The following DTNA variants were observed in gnomAD, a reference collection of about 807,000 sequenced individuals.
The protein encoded by DTNA is dystrobrevin alpha, also known as dystrophin-related protein 3.
DTNA carries 43 observed loss-of-function variants against 100.7 expected under a neutral mutation model. The observed-to-expected ratio is 0.43, with a 90% CI of 0.33 to 0.55. DTNA has a LOEUF of 0.55. Ranked by LOEUF, DTNA falls within the 20% of genes least tolerant of loss-of-function variation. The pLI, the probability that DTNA is intolerant of heterozygous loss-of-function variation, is 0.04. For missense variants in DTNA, 798 were observed against 953.9 expected, an observed-to-expected ratio of 0.84 and a Z score of 2.15; for synonymous variants, 349 against 347.9, an observed-to-expected ratio of 1.00 and a Z score of -0.04.
At chr18:34,817,166 G>A (rs2095614637) in intron 7 of DTNA, among the ~76,000 whole-genome samples, 1 of 152,190 alleles carries the variant, frequency 6.6e-6, no homozygotes, top group South Asian at 2.1e-4. Context: ...CTAGATTGAA[G>A]TCCCACTCTA....
intron 9 of DTNA, among the ~76,000 whole-genome samples, chr18:34,824,198 A>G (rs1426562193): frequency 6.6e-6 from 1 of 152,232 alleles, no homozygotes; most frequent in African/African-American, 2.4e-5. Flanking sequence ...ATTGCTGGCC[A>G]GGCACAGTGG....
chr18:34,553,205 G>A (rs2045641224), intron 1 of DTNA, among the ~76,000 whole-genome samples: 5 of 151,846 alleles, frequency 3.3e-5, no homozygotes, highest in Non-Finnish European at 7.4e-5. Context: ...CATGTCTTTT[G>A]CCCACTTTTT....
intron 2 of DTNA, among the ~76,000 whole-genome samples, chr18:34,758,576 G>A (rs571164820): frequency 6.6e-6 from 1 of 152,274 alleles, no homozygotes; most frequent in East Asian, 1.9e-4. Flanking sequence ...TTAAAAGTTA[G>A]GCTTCTACCC....
chr18:34,796,839 C>T (rs1433092864), intron 4 of DTNA, among the ~76,000 whole-genome samples: 1 of 152,136 alleles, frequency 6.6e-6, no homozygotes, highest in Non-Finnish European at 1.5e-5. Context: ...AAGTGGTAAC[C>T]TGAGATGAGG....
rs749851414 is a variant in DTNA, at chr18:34,794,125, C to T, written c.237C>T (p.Ser79=). The T allele has an allele frequency of 8.1e-6, 13 of 1,614,138 alleles. No homozygotes were observed. In the South Asian group the frequency reaches 1.1e-4, roughly 14 times the overall value. The part of the protein sequence containing the change: ...NLDPNTELNV[S]RLEAVLSTIF... ...ACCCAAACACTGAACTCAACGTGTC[C>T]CGCTTAGAGGCTGTGCTCTCCACTA... Residue 79 remains serine (S), a synonymous_variant, in exon 4 of 23, where the codon TCC becomes TCT. Coordinates refer to ENST00000444659, the MANE Select transcript of DTNA (RefSeq NM_001386795.1).
intron 1 of DTNA, among the ~76,000 whole-genome samples, chr18:34,661,254 G>T (rs1336773502): frequency 6.6e-6 from 1 of 152,142 alleles, no homozygotes; most frequent in African/African-American, 2.4e-5. Context: ...TTAAAACAGG[G>T]ATCAAATTAG....
chr18:34,815,881 T>C (rs1340324204), intron 6 of DTNA, 28 bp from the exon 7 acceptor site: 2 of 1,595,102 alleles, frequency 1.3e-6, no homozygotes. Context: ...TTCTCTGTCC[T>C]AAATTTATGG....
intron 3 of DTNA, among the ~76,000 whole-genome samples, chr18:34,789,558 A>C (rs991711368): frequency 6.6e-6 from 1 of 152,166 alleles, no homozygotes; most frequent in Non-Finnish European, 1.5e-5. Context: ...TGTGTGAGTC[A>C]TGTCTGTATT....
intron 1 of DTNA, among the ~76,000 whole-genome samples, chr18:34,629,951 T>TTCTA (rs913409110): frequency 1.8e-4 from 28 of 152,310 alleles, no homozygotes; most frequent in Admixed American, 1.8e-3. Context: ...AAGCTGCTTA[T>TTCTA]TCTATCTCAT....
intron 3 of DTNA, among the ~76,000 whole-genome samples, chr18:34,773,018 C>T (rs575578585): frequency 1.3e-5 from 2 of 152,358 alleles, no homozygotes; most frequent in South Asian, 2.1e-4. Context: ...CCTCATGGCC[C>T]CTGTGGGCTG....
chr18:34,722,928 C>T (rs1212419942), intron 1 of DTNA, among the ~76,000 whole-genome samples: 1 of 152,126 alleles, frequency 6.6e-6, no homozygotes, highest in Non-Finnish European at 1.5e-5. Flanking sequence ...TTTATCCATT[C>T]ATCTTTGATT....
At position 34,768,882 on chromosome 18, in the gene DTNA, GA is replaced by G. The variant is rs1212518918; in HGVS notation, c.148+2844del. 8.5e-5 allele frequency among the ~76,000 whole-genome samples: 13 copies of G among 152,264 alleles called. No individual in the cohort carries two copies. In the East Asian group the frequency reaches 2.5e-3, roughly 29 times the overall value. ...TTAAGCAGATTTATAAAACCATGTAGAAAGATAATGATAGAAATATGTACAT... is the reference window on the plus strand; with the variant it reads ...TTAAGCAGATTTATAAAACCATGTAGAAGATAATGATAGAAATATGTACAT... On this transcript the variant is annotated intron_variant, in intron 3 of 22. Transcript: ENST00000444659.
At chr18:34,662,249 A>C (rs991850211) in intron 1 of DTNA, among the ~76,000 whole-genome samples, 7 of 152,100 alleles carry the variant, frequency 4.6e-5, no homozygotes, top group African/African-American at 1.7e-4. Context: ...GGCAGTAAAA[A>C]ATATTCATAA....
intron 1 of DTNA, among the ~76,000 whole-genome samples, chr18:34,527,445 A>G (rs1410557976): frequency 1.3e-5 from 2 of 152,042 alleles, no homozygotes; most frequent in Non-Finnish European, 2.9e-5. Flanking sequence ...CATTCCAGAT[A>G]TAGACAGAAA....
intron 9 of DTNA, chr18:34,825,323 T>C (rs1400798852): frequency 3.1e-6 from 5 of 1,611,202 alleles, no homozygotes; most frequent in Non-Finnish European, 3.4e-6. Flanking sequence ...TGTATAATCA[T>C]GATCATAAGT....
intron 7 of DTNA, 66 bp from the exon 8 acceptor site, chr18:34,818,098 G>A: frequency 1.9e-6 from 3 of 1,612,422 alleles, no homozygotes; most frequent in Admixed American, 1.7e-5. Context: ...CTGTAAGGCT[G>A]TATTTTTCCT....
At chr18:34,787,179 A>G (rs1398501752) in intron 3 of DTNA, among the ~76,000 whole-genome samples, 2 of 152,234 alleles carry the variant, frequency 1.3e-5, no homozygotes, top group East Asian at 1.9e-4. Flanking sequence ...TCACTATTCC[A>G]TAATGACTAA....
At chr18:34,559,317 G>A (rs144904185) in intron 1 of DTNA, among the ~76,000 whole-genome samples, 215 of 152,304 alleles carry the variant, frequency 1.4e-3, no homozygotes, top group African/African-American at 5.0e-3. Context: ...GCCAGGGTGA[G>A]CAACTGAATC....
intron 1 of DTNA, among the ~76,000 whole-genome samples, chr18:34,578,396 T>C (rs1037539077): frequency 1.5e-4 from 22 of 150,118 alleles, no homozygotes; most frequent in Middle Eastern, 3.4e-3. Flanking sequence ...GATGTATACA[T>C]TGTGAATTTT....
Sources: allele counts gnomAD v4.1 joint callset (sites outside exome capture counted in the v4.1 genomes callset), GRCh38; gene constraint gnomAD v4.1.1; transcripts MANE v1.5; gene names NCBI Gene and HGNC (gene_info 2026-07-23, HGNC 2026-07-21).